Variants in COPS2 observed in about 807,000 individuals in gnomAD.
COPS2 encodes COP9 signalosome complex subunit 2.
Under a neutral mutation model 66.1 loss-of-function variants are expected in COPS2, and 10 were observed. That is an observed-to-expected ratio of 0.15 (90% CI 0.09 to 0.26). The LOEUF (loss-of-function observed/expected upper bound fraction) is 0.26, where lower values mean the gene tolerates loss of function less well. COPS2 is among the 10% of genes least tolerant of loss of function. The probability of loss-of-function intolerance (pLI) is 1.00; values close to 1 mark genes in which losing one functional copy is unlikely to be tolerated. For missense variants in COPS2, 215 were observed against 513.3 expected (o/e 0.42, Z 5.62); for synonymous variants, 179 against 171.3 (o/e 1.04, Z -0.35).
chr15:49,149,364 C>T (rs2084342876), intron 1 of COPS2, among the ~76,000 whole-genome samples: 1 of 152,232 alleles, frequency 6.6e-6, no homozygotes, highest in East Asian at 1.9e-4. Context: ...TGCCCTAATA[C>T]TGCTGGGAAA....
At chr15:49,142,849 C>T (rs1595823992) in intron 3 of COPS2, among the ~76,000 whole-genome samples, 1 of 151,836 alleles carries the variant, frequency 6.6e-6, no homozygotes, top group Non-Finnish European at 1.5e-5. Flanking sequence ...AAATGACAGT[C>T]ACCATTATAG....
At position 49,122,920 on chromosome 15, in the gene COPS2, C is replaced by T. The variant is rs2084136164; in HGVS notation, c.*5030G>A. The T allele has an allele frequency of 6.6e-6, 1 of 152,174 alleles. No individual in the cohort carries two copies. Among genetic ancestry groups the T allele is most frequent in the Admixed American group, 6.5e-5 (1 of 15,286 alleles). The allele number at this position is 152,174 out of a possible 1,614,324, so 9.4% of individuals were successfully genotyped here. A position where few individuals can be genotyped will look rare whatever the true frequency, so the allele number is the denominator to read the frequency against. ...TCCTAATCACCTACTACTTCCTTCC[C>T]ACCTAGTGTTAGCTCAAGGAATTTG... On this transcript the variant is annotated 3_prime_UTR_variant, in exon 13 of 13. Transcript: ENST00000388901.
At chr15:49,155,360 C>T (rs2084417368) in intron 1 of COPS2, among the ~76,000 whole-genome samples, 165 bp downstream of exon 1, 1 of 152,208 alleles carries the variant, frequency 6.6e-6, no homozygotes, top group South Asian at 2.1e-4. Flanking sequence ...GAAGCAGGGC[C>T]CGGGCCCGGT....
At chr15:49,141,589 A>C (rs769865257) in intron 3 of COPS2, among the ~76,000 whole-genome samples, 1 of 152,228 alleles carries the variant, frequency 6.6e-6, no homozygotes, top group Non-Finnish European at 1.5e-5. Context: ...ATTCTAATTA[A>C]AGACTGAAGG....
chr15:49,137,461 A>G, intron 4 of COPS2, 24 bp from the exon 5 acceptor site: 1 of 1,565,224 alleles, frequency 6.4e-7, no homozygotes, highest in Non-Finnish European at 8.8e-7. Flanking sequence ...TCAGAATTCT[A>G]TAATTGTAAA....
chr15:49,128,629 T>C, intron 12 of COPS2, 73 bp downstream of exon 12: 1 of 1,055,570 alleles, frequency 9.5e-7, no homozygotes, highest in Middle Eastern at 2.1e-4. Context: ...AGAATCCAAT[T>C]GTTACCTTTG....
intron 3 of COPS2, among the ~76,000 whole-genome samples, chr15:49,141,508 GA>G (rs543158108): frequency 2.7e-4 from 38 of 141,688 alleles, no homozygotes; most frequent in African/African-American, 3.9e-4. Flanking sequence ...CATCTCAAAA[GA>G]AAAAAAAAAA....
chr15:49,133,514 C>T (rs537416700), intron 9 of COPS2, among the ~76,000 whole-genome samples: 13 of 152,078 alleles, frequency 8.5e-5, no homozygotes, highest in African/African-American at 2.4e-4. Flanking sequence ...TGCATTCGTG[C>T]GTGCGCAGAC....
intron 6 of COPS2, among the ~76,000 whole-genome samples, chr15:49,135,745 T>C (rs773137079): frequency 6.6e-6 from 1 of 152,232 alleles, no homozygotes; most frequent in African/African-American, 2.4e-5. Flanking sequence ...TAATGAATCA[T>C]AACCAGAGTA....
chr15:49,145,697 T>A (rs892458901), intron 1 of COPS2, among the ~76,000 whole-genome samples: 5 of 152,136 alleles, frequency 3.3e-5, no homozygotes, highest in African/African-American at 1.2e-4. Flanking sequence ...TGGATTTATA[T>A]AATTTTATGA....
chr15:49,137,324 A>G (rs1300051361), intron 5 of COPS2, 24 bp downstream of exon 5: 2 of 1,566,048 alleles, frequency 1.3e-6, no homozygotes, highest in Non-Finnish European at 1.8e-6. Context: ...TTCAAAAGAA[A>G]AGTGTAAGTA....
chr15:49,155,077 C>T (rs186288739), intron 1 of COPS2, among the ~76,000 whole-genome samples: 35 of 152,350 alleles, frequency 2.3e-4, no homozygotes, highest in Non-Finnish European at 1.5e-5. Flanking sequence ...AGTAAGGACA[C>T]CCCCGTTTTC....
intron 3 of COPS2, among the ~76,000 whole-genome samples, chr15:49,143,813 C>A (rs927732694): frequency 6.6e-6 from 1 of 151,936 alleles, no homozygotes; most frequent in Non-Finnish European, 1.5e-5. Context: ...GGTGAAAGCC[C>A]GTCTCTTCTA....
At chr15:49,151,052 T>C (rs1186681900) in intron 1 of COPS2, among the ~76,000 whole-genome samples, 1 of 152,190 alleles carries the variant, frequency 6.6e-6, no homozygotes. Context: ...TTTAACCAAG[T>C]GGAATTATTC....
intron 1 of COPS2, among the ~76,000 whole-genome samples, chr15:49,152,106 C>T (rs542618163): frequency 1.3e-5 from 2 of 148,504 alleles, no homozygotes; most frequent in South Asian, 2.1e-4. Context: ...AAAAACAATA[C>T]ATTTTTTATA....
Position 49,123,017 on chromosome 15 carries a change from G to C in COPS2, c.*4933C>G, listed in dbSNP as rs2084136784. ...AATGCAACCAATTATGTAACACATT[G>C]CAAAACCAAACAACTTTCTATTTTC... is the stretch of plus-strand genomic sequence containing the variant. On this transcript the variant is annotated 3_prime_UTR_variant, in exon 13 of 13. Transcript: ENST00000388901. 1 of 152,090 alleles carries C rather than the reference G, an allele frequency of 6.6e-6. No homozygotes were observed. The highest frequency in any genetic ancestry group is 1.5e-5 in the Non-Finnish European group (1 of 67,998). 9.4% of individuals were successfully genotyped at this position (152,090 alleles called of 1,614,324 possible). A position where few individuals can be genotyped will look rare whatever the true frequency, so the allele number is the denominator to read the frequency against.
chr15:49,148,120 T>C (rs2084333820), intron 1 of COPS2, among the ~76,000 whole-genome samples: 2 of 152,314 alleles, frequency 1.3e-5, no homozygotes, highest in South Asian at 4.1e-4. Flanking sequence ...AACTCATGTT[T>C]TGAAGTCTTT....
chr15:49,140,746 ATT>A (rs2084284823), intron 3 of COPS2, among the ~76,000 whole-genome samples: 1 of 150,926 alleles, frequency 6.6e-6, no homozygotes, highest in South Asian at 2.1e-4. Flanking sequence ...ACTGAGTTCT[ATT>A]TTCTTTTTTT....
chr15:49,147,104 C>G (rs1470973773), intron 1 of COPS2, among the ~76,000 whole-genome samples: 1 of 152,172 alleles, frequency 6.6e-6, no homozygotes, highest in African/African-American at 2.4e-5. Context: ...ATAAAACCTA[C>G]TCTATGCCTT....
Sources: allele counts gnomAD v4.1 joint callset (sites outside exome capture counted in the v4.1 genomes callset), GRCh38; gene constraint gnomAD v4.1.1; transcripts MANE v1.5; gene names NCBI Gene and HGNC (gene_info 2026-07-23, HGNC 2026-07-21).